The following IFNL1 variants were observed in gnomAD, a reference collection of about 807,000 sequenced individuals.
The protein encoded by IFNL1 is interferon lambda 1.
In IFNL1, 16 loss-of-function variants were observed where a neutral mutation model predicts 17.1. The ratio of observed to expected loss-of-function variants is 0.93; its 90% CI spans 0.63 to 1.42. The LOEUF (loss-of-function observed/expected upper bound fraction) is 1.42, where lower values mean the gene tolerates loss of function less well. Ranked by LOEUF, IFNL1 falls within the 40% of genes most tolerant of loss-of-function variation. IFNL1 has a pLI of 0.00. For synonymous variants in IFNL1, 104 were observed against 111.4 expected, an observed-to-expected ratio of 0.93 and a Z score of 0.42; for missense variants, 262 against 249.4, an observed-to-expected ratio of 1.05 and a Z score of -0.34.
Position 39,298,422 on chromosome 19 carries a change from C to T in IFNL1, c.509C>T (p.Thr170Ile). ...ESAGCLEASV[T>I]FNLFRLLTRD... ...GCTGGCTGCCTGGAGGCATCTGTCA[C>T]CTTCAACCTCTTCCGCCTCCTCACG... The change falls in exon 5 of 5, where the codon ACC (threonine) becomes ATC (isoleucine). Residue 170 changes from threonine to isoleucine, a missense_variant. Transcript: ENST00000333625. The T allele has an allele frequency of 1.2e-6, 2 of 1,614,248 alleles. No homozygotes were observed. Among genetic ancestry groups the T allele is most frequent in the Middle Eastern group, 1.6e-4 (1 of 6,062 alleles).
chr19:39,298,200 C>T lies in IFNL1; in HGVS notation c.394-13C>T. 1.9e-6 allele frequency: 3 copies of T among 1,614,018 alleles called. No individual in the cohort carries two copies. The highest frequency in any genetic ancestry group is 4.5e-5 in the East Asian group (2 of 44,882). The stretch of plus-strand genomic sequence containing the variant: ...CAGGCTCCGCCTCACACACCGCCCT[C>T]TTCTGCCCACAGATCCAGCCTCAGC... On this transcript the variant is annotated splice_polypyrimidine_tract_variant and intron_variant, in intron 3 of 4. Transcript: ENST00000333625.
At chr19:39,297,224 TC>T (rs1385958167) in intron 2 of IFNL1, among the ~76,000 whole-genome samples, 1 of 149,542 alleles carries the variant, frequency 6.7e-6, no homozygotes, top group African/African-American at 2.5e-5. Flanking sequence ...TGACCCCCTC[TC>T]CCTCTCACCT....
chr19:39,297,670 A>G (rs187005390), intron 2 of IFNL1, among the ~76,000 whole-genome samples: 243 of 151,184 alleles, frequency 1.6e-3, no homozygotes, highest in African/African-American at 5.6e-3. Flanking sequence ...TGTGCCCCCA[A>G]CCTGCTTTCT....
Position 39,298,027 on chromosome 19 carries a change from G to A in IFNL1, c.313G>A (p.Ala105Thr), listed in dbSNP as rs199959912. 5.0e-6 allele frequency: 8 copies of A among 1,614,148 alleles called. No homozygotes were observed. Among genetic ancestry groups the A allele is most frequent in the African/African-American group, 2.7e-5 (2 of 75,042 alleles). Residue 105 changes from alanine (A) to threonine (T), a missense_variant, in exon 3 of 5, where the codon GCT (alanine) becomes ACT (threonine). Physicochemically the swap from Ala to Thr is moderately conservative, Grantham distance 58. Coordinates refer to ENST00000333625, the MANE Select transcript of IFNL1 (RefSeq NM_172140.2). The part of the protein sequence containing the change: ...LALTLKVLEA[A>T]AGPALEDVLD... ...CCTGACGCTGAAGGTCCTGGAGGCC[G>A]CTGCTGGCCCAGCCCTGGAGGACGT... is the stretch of plus-strand genomic sequence containing the variant.
chr19:39,298,404 G>T lies in IFNL1; in HGVS notation c.491G>T (p.Cys164Phe), dbSNP rs2075107431. 2.5e-6 allele frequency: 4 copies of T among 1,614,054 alleles called. No homozygotes were observed. Among genetic ancestry groups the T allele is most frequent in the African/African-American group, 1.3e-5 (1 of 74,916 alleles). Residue 164 changes from cysteine (C) to phenylalanine (F), a missense_variant, in exon 5 of 5, where the codon TGC (cysteine) becomes TTC (phenylalanine). By Grantham distance (205) the Cys-to-Phe change is radical (BLOSUM62 -2). Transcript: ENST00000333625. ...CCTCCCCTACAGGAGTCCGCTGGCT[G>T]CCTGGAGGCATCTGTCACCTTCAAC... ...QEAPKKESAG[C>F]LEASVTFNLF...
rs182253189 is a variant in IFNL1, at chr19:39,297,414, G to A, written c.249+532G>A. On this transcript the variant is annotated intron_variant, in intron 2 of 4. Transcript: ENST00000333625. Reference sequence around the variant, plus strand: ...GTTCACTGCAACCTCTGCCTCCCGGGTTCAAGCAATTATCCTGCCTCAGCC... The same window carrying A: ...GTTCACTGCAACCTCTGCCTCCCGGATTCAAGCAATTATCCTGCCTCAGCC... Among the ~76,000 whole-genome samples the A allele has an allele frequency of 2.9e-4, 44 of 149,572 alleles. No homozygotes were observed. The East Asian group carries it at 8.2e-3, about 28-fold the overall frequency.
intron 2 of IFNL1, among the ~76,000 whole-genome samples, chr19:39,297,599 C>T (rs1194176080): frequency 6.6e-6 from 1 of 152,058 alleles, no homozygotes; most frequent in Non-Finnish European, 1.5e-5. Context: ...GGATTACAGG[C>T]GTGAGCCACC....
Position 39,297,975 on chromosome 19 carries a change from C to T in IFNL1, c.261C>T (p.Arg87=), listed in dbSNP as rs146702046. ...TCACCTCTCCTCAGGTGAGGGAGCG[C>T]CCTGTGGCCTTGGAGGCTGAGCTGG... ...WDLRLLQVRE[R]PVALEAELAL... is the part of the protein sequence containing the mutation. The change falls in exon 3 of 5, where the codon CGC becomes CGT. Residue 87 remains arginine (R), a synonymous_variant. Transcript: ENST00000333625. 1.6e-4 allele frequency: 264 copies of T among 1,614,188 alleles called. No homozygotes were observed. The African/African-American group carries it at 3.0e-3, about 18-fold the overall frequency.
chr19:39,296,445 G>A lies in IFNL1; in HGVS notation c.24G>A (p.Val8=). 6.2e-7 allele frequency: 1 copy of A among 1,611,776 alleles called. No homozygotes were observed. The highest frequency in any genetic ancestry group is 8.5e-7 in the Non-Finnish European group (1 of 1,179,834). MAAAWTV[V]LVTLVLGLAV... ...CCATGGCTGCAGCTTGGACCGTGGT[G>A]CTGGTGACTTTGGTGCTAGGCTTGG... The change falls in exon 1 of 5, where the codon GTG becomes GTA. Residue 8 remains valine (V), a synonymous_variant. Transcript: ENST00000333625.
rs114823100 is a variant in IFNL1 at position 39,296,503 on chromosome 19, A to G, written c.82A>G (p.Thr28Ala). 2.7e-3 allele frequency: 4,322 copies of G among 1,613,572 alleles called. 90 individuals carry two copies. In the African/African-American group the frequency reaches 0.044, roughly 17 times the overall value. Residue 28 changes from threonine to alanine, a missense_variant, in exon 1 of 5, where the codon ACC becomes GCC. Physicochemically the swap from Thr to Ala is moderately conservative, Grantham distance 58. Transcript: ENST00000333625. ...VAGPVPTSKP[T>A]TTGKGCHIGR... ...AGGCCCTGTCCCCACTTCCAAGCCC[A>G]CCACAACTGGGAAGGGCTGCCACAT... is the stretch of plus-strand genomic sequence containing the variant.
At position 39,296,534 on chromosome 19, in the gene IFNL1, G is replaced by A. The variant is rs749414794; in HGVS notation, c.113G>A (p.Arg38Lys). 2.5e-6 allele frequency: 4 copies of A among 1,613,818 alleles called. No homozygotes were observed. The South Asian group carries it at 3.3e-5, about 13-fold the overall frequency. Residue 38 changes from arginine (R) to lysine (K), a missense_variant, in exon 1 of 5, where the codon AGG becomes AAG. Arg to Lys is a conservative substitution (Grantham distance 26, BLOSUM62 2). Transcript: ENST00000333625. The stretch of plus-strand genomic sequence containing the variant: ...ACTGGGAAGGGCTGCCACATTGGCA[G>A]GTTCAAATCTCTGTCACCACAGGAG... ...TTTGKGCHIG[R>K]FKSLSPQELA...
Position 39,298,637 on chromosome 19 carries a change from T to C in IFNL1, c.*121T>C. 1 of 1,218,552 alleles carries C rather than the reference T, an allele frequency of 8.2e-7. No homozygotes were observed. 75.5% of individuals were successfully genotyped at this position (1,218,552 alleles called of 1,614,324 possible). A position where few individuals can be genotyped will look rare whatever the true frequency, so the allele number is the denominator to read the frequency against. On this transcript the variant is annotated 3_prime_UTR_variant, in exon 5 of 5. Coordinates refer to ENST00000333625, the MANE Select transcript of IFNL1 (RefSeq NM_172140.2). ...AGGGCTGAGTTTATTGTTTTACTTT[T>C]ATACATTATGCACAAATAAACAACA...
chr19:39,296,449 G>A lies in IFNL1; in HGVS notation c.28G>A (p.Val10Met). Residue 10 changes from valine (V) to methionine (M), a missense_variant, in exon 1 of 5, where the codon GTG becomes ATG. Transcript: ENST00000333625. The part of the protein sequence containing the change: MAAAWTVVL[V>M]TLVLGLAVAG... The stretch of plus-strand genomic sequence containing the variant: ...GGCTGCAGCTTGGACCGTGGTGCTG[G>A]TGACTTTGGTGCTAGGCTTGGCCGT... The A allele has an allele frequency of 6.2e-7, 1 of 1,611,866 alleles. No individual in the cohort carries two copies. The highest frequency in any genetic ancestry group is 8.5e-7 in the Non-Finnish European group (1 of 1,179,854).
rs866654548 is a variant in IFNL1 at position 39,298,390 on chromosome 19, G to A, written c.478-1G>A. ...CTGACCCATCCCCTCCTCCCCTACAGGAGTCCGCTGGCTGCCTGGAGGCAT... is the reference window on the plus strand; with the variant it reads ...CTGACCCATCCCCTCCTCCCCTACAAGAGTCCGCTGGCTGCCTGGAGGCAT... On this transcript the variant is annotated splice_acceptor_variant, in intron 4 of 4. Coordinates refer to ENST00000333625, the MANE Select transcript of IFNL1 (RefSeq NM_172140.2). LOFTEE classifies it high-confidence loss of function. The A allele has an allele frequency of 6.2e-7, 1 of 1,614,074 alleles. No homozygotes were observed. Among genetic ancestry groups the A allele is most frequent in the East Asian group, 2.2e-5 (1 of 44,894 alleles).
intron 2 of IFNL1, among the ~76,000 whole-genome samples, chr19:39,297,560 T>C (rs1306132865): frequency 6.6e-6 from 1 of 152,016 alleles, no homozygotes; most frequent in African/African-American, 2.4e-5. Flanking sequence ...CCTCAGGTGA[T>C]CCACCCGCCT....
At chr19:39,297,660 T>C (rs2075104065) in intron 2 of IFNL1, among the ~76,000 whole-genome samples, 1 of 152,026 alleles carries the variant, frequency 6.6e-6, no homozygotes, top group Non-Finnish European at 1.5e-5. Flanking sequence ...CCTCTCTTAC[T>C]GTGCCCCCAA....
chr19:39,297,601 T>TGA (rs987330618), intron 2 of IFNL1, among the ~76,000 whole-genome samples: 2 of 152,098 alleles, frequency 1.3e-5, no homozygotes, highest in Non-Finnish European at 2.9e-5. Context: ...ATTACAGGCG[T>TGA]GAGCCACCAC....
chr19:39,296,531 G>T lies in IFNL1; in HGVS notation c.110G>T (p.Gly37Val). The T allele has an allele frequency of 1.2e-6, 2 of 1,613,892 alleles. No individual in the cohort carries two copies. Among genetic ancestry groups the T allele is most frequent in the Non-Finnish European group, 8.5e-7 (1 of 1,180,012 alleles). ...ACAACTGGGAAGGGCTGCCACATTG[G>T]CAGGTTCAAATCTCTGTCACCACAG... ...PTTTGKGCHIGRFKSLSPQEL... is the reference protein window; with the variant it reads ...PTTTGKGCHIVRFKSLSPQEL... Residue 37 changes from glycine (G) to valine (V), a missense_variant, in exon 1 of 5, where the codon GGC becomes GTC. Transcript: ENST00000333625.
In IFNL1 at chr19:39,298,615, G is replaced by C. The variant is rs76328782; in HGVS notation, c.*99G>C. ...GCTGCAGCCCTGACTGAGACATAGGGCTGAGTTTATTGTTTTACTTTTATA... is the reference window on the plus strand; with the variant it reads ...GCTGCAGCCCTGACTGAGACATAGGCCTGAGTTTATTGTTTTACTTTTATA... On this transcript the variant is annotated 3_prime_UTR_variant, in exon 5 of 5. Coordinates refer to ENST00000333625, the MANE Select transcript of IFNL1 (RefSeq NM_172140.2). The C allele has an allele frequency of 1.5e-4, 219 of 1,424,640 alleles. 1 individual carries two copies. The African/African-American group carries it at 2.9e-3, about 19-fold the overall frequency. The allele number at this position is 1,424,640 out of a possible 1,614,324, so 88.2% of individuals were successfully genotyped here. A position where few individuals can be genotyped will look rare whatever the true frequency, so the allele number is the denominator to read the frequency against.
Sources: gnomAD v4.1 joint callset for allele counts (sites outside exome capture counted in the v4.1 genomes callset) on GRCh38, gnomAD v4.1.1 for gene constraint, MANE v1.5 for transcripts, NCBI Gene and HGNC (gene_info 2026-07-23, HGNC 2026-07-21) for gene names.